Variants in RNF115 observed in about 807,000 individuals in gnomAD.
RNF115 encodes E3 ubiquitin-protein ligase RNF115.
In RNF115, 31 loss-of-function variants were observed where a neutral mutation model predicts 39.2. That is an observed-to-expected ratio of 0.79 (90% CI 0.59 to 1.07). The LOEUF (loss-of-function observed/expected upper bound fraction) is 1.07, where lower values mean the gene tolerates loss of function less well. RNF115 is among the 50% of genes least tolerant of loss of function. The probability of loss-of-function intolerance (pLI) is 0.00; values close to 1 mark genes in which losing one functional copy is unlikely to be tolerated. For missense variants in RNF115, 384 were observed against 381.7 expected (o/e 1.01, Z -0.05); for synonymous variants, 124 against 131.0 (o/e 0.95, Z 0.37).
At chr1:145,775,225 C>G (rs1197185157) in intron 3 of RNF115, among the ~76,000 whole-genome samples, 2 of 152,034 alleles carry the variant, frequency 1.3e-5, no homozygotes, top group Non-Finnish European at 2.9e-5. Flanking sequence ...TATACAGAAC[C>G]CTAATTATAT....
Position 145,823,931 on chromosome 1 carries a change from C to A in RNF115, c.-58G>T. 7.8e-7 allele frequency: 1 copy of A among 1,281,464 alleles called. No individual in the cohort carries two copies. 79.4% of individuals were successfully genotyped at this position (1,281,464 alleles called of 1,614,324 possible). A position where few individuals can be genotyped will look rare whatever the true frequency, so the allele number is the denominator to read the frequency against. ...AGCCGGCCCGTCCCTCGCCAGGCCG[C>A]TACCTCCCGAGCTGCAGTCGTCGCC... On this transcript the variant is annotated 5_prime_UTR_variant, in exon 1 of 9. Transcript: ENST00000582693.
intron 3 of RNF115, among the ~76,000 whole-genome samples, chr1:145,782,557 C>T (rs1262813654): frequency 6.6e-6 from 1 of 152,200 alleles, no homozygotes; most frequent in Non-Finnish European, 1.5e-5. Flanking sequence ...TACTTTAACA[C>T]CTGAAGGATA....
At position 145,746,706 on chromosome 1, in the gene RNF115, CTAACTT is replaced by C; in HGVS notation, c.*154_*159del. The C allele has an allele frequency of 1.4e-6, 1 of 690,690 alleles. No individual in the cohort carries two copies. Among genetic ancestry groups the C allele is most frequent in the Non-Finnish European group, 2.3e-6 (1 of 427,080 alleles). The allele number at this position is 690,690 out of a possible 1,614,324, so 42.8% of individuals were successfully genotyped here. A position where few individuals can be genotyped will look rare whatever the true frequency, so the allele number is the denominator to read the frequency against. On this transcript the variant is annotated 3_prime_UTR_variant, in exon 9 of 9. Coordinates refer to ENST00000582693, the MANE Select transcript of RNF115 (RefSeq NM_014455.4). The stretch of plus-strand genomic sequence containing the variant: ...GTAGATACAATTCCATCTGTAGATA[CTAACTT>C]TAAATTTAAAGAAGAAAAACATTCA...
At chr1:145,784,764 C>G (rs1553717922) in intron 2 of RNF115, among the ~76,000 whole-genome samples, 168 bp from the exon 3 acceptor site, 1 of 152,072 alleles carries the variant, frequency 6.6e-6, no homozygotes, top group Non-Finnish European at 1.5e-5. Context: ...GTGAATTAAT[C>G]TATGAAAAGT....
chr1:145,748,025 G>A lies in RNF115; in HGVS notation c.753C>T (p.His251=), dbSNP rs781979777. Residue 251 remains histidine (H), a synonymous_variant, in exon 8 of 9, where the codon CAC becomes CAT. Coordinates refer to ENST00000582693, the MANE Select transcript of RNF115 (RefSeq NM_014455.4). ...CTAGCCACGGCACAATACAACTGCT[G>A]TGAAAGAAGTGATTGCAAGGTAACT... The part of the protein sequence containing the change: ...VRQLPCNHFF[H]SSCIVPWLEL... 2.5e-6 allele frequency: 4 copies of A among 1,613,492 alleles called. No homozygotes were observed. The Admixed American group carries it at 5.0e-5, about 20-fold the overall frequency.
intron 2 of RNF115, among the ~76,000 whole-genome samples, chr1:145,788,292 C>T (rs1444127369): frequency 6.6e-6 from 1 of 152,076 alleles, no homozygotes; most frequent in Non-Finnish European, 1.5e-5. Flanking sequence ...ATGTTGACCA[C>T]GCTGGTCTTG....
Position 145,744,848 on chromosome 1 carries a change from T to C in RNF115, c.*2018A>G, listed in dbSNP as rs1476932245. On this transcript the variant is annotated 3_prime_UTR_variant, in exon 9 of 9. Transcript: ENST00000582693. ...GACCTTGAAGTTTCAACAACATTCT[T>C]GACCTTCTTAATTTATCCAATGTTA... 6.6e-6 allele frequency: 1 copy of C among 152,166 alleles called. No homozygotes were observed. Among genetic ancestry groups the C allele is most frequent in the African/African-American group, 2.4e-5 (1 of 41,424 alleles). The allele number at this position is 152,166 out of a possible 1,614,324, so 9.4% of individuals were successfully genotyped here. A position where few individuals can be genotyped will look rare whatever the true frequency, so the allele number is the denominator to read the frequency against.
At chr1:145,794,957 C>T (rs1243883056) in intron 1 of RNF115, among the ~76,000 whole-genome samples, 1 of 147,504 alleles carries the variant, frequency 6.8e-6, no homozygotes, top group Non-Finnish European at 1.5e-5. Context: ...GCGGAGCTTG[C>T]CGTGAGCCTA....
At chr1:145,747,878 T>A in intron 8 of RNF115, 117 bp downstream of exon 8, 1 of 739,478 alleles carries the variant, frequency 1.4e-6, no homozygotes. Context: ...AATAACAGTA[T>A]CAGAGTAAGC....
intron 1 of RNF115, among the ~76,000 whole-genome samples, chr1:145,793,583 G>C (rs1262506903): frequency 6.6e-6 from 1 of 151,446 alleles, no homozygotes; most frequent in Non-Finnish European, 1.5e-5. Flanking sequence ...CTGAATTCCA[G>C]ACTCAATTAC....
Position 145,750,594 on chromosome 1 carries a change from T to C in RNF115, c.574-94A>G, listed in dbSNP as rs147054035. The C allele has an allele frequency of 5.6e-5, 49 of 879,634 alleles. No individual in the cohort carries two copies. In the Admixed American group the frequency reaches 1.0e-3, roughly 19 times the overall value. The allele number at this position is 879,634 out of a possible 1,614,324, so 54.5% of individuals were successfully genotyped here. ...CAGCTGAGAACAAACAGTGCAGACA[T>C]TAGGTATGTTAGTTACTCTTACTTC... On this transcript the variant is annotated intron_variant, in intron 6 of 8. Coordinates refer to ENST00000582693, the MANE Select transcript of RNF115 (RefSeq NM_014455.4).
At chr1:145,779,877 G>T (rs931470837) in intron 3 of RNF115, among the ~76,000 whole-genome samples, 11 of 151,866 alleles carry the variant, frequency 7.2e-5, no homozygotes, top group African/African-American at 2.4e-4. Flanking sequence ...TGGACAGGCT[G>T]GTCTGGAACT....
At chr1:145,818,611 CA>C (rs1466525174) in intron 1 of RNF115, among the ~76,000 whole-genome samples, 1 of 134,518 alleles carries the variant, frequency 7.4e-6, no homozygotes, top group African/African-American at 2.6e-5. Context: ...AACAAAGATA[CA>C]GCATACCAGA....
chr1:145,793,875 G>T (rs1248092136), intron 1 of RNF115, among the ~76,000 whole-genome samples: 1 of 135,848 alleles, frequency 7.4e-6, no homozygotes, highest in African/African-American at 2.8e-5. Flanking sequence ...ACGAAGTCTC[G>T]CTCTGTCACT....
intron 1 of RNF115, among the ~76,000 whole-genome samples, chr1:145,815,313 G>C (rs1419747122): frequency 3.3e-5 from 5 of 152,298 alleles, no homozygotes; most frequent in Non-Finnish European, 7.3e-5. Flanking sequence ...TTCAGGTGGA[G>C]CCTGAAAGCG....
intron 5 of RNF115, 139 bp downstream of exon 5, chr1:145,752,839 G>A (rs587632351): frequency 2.1e-5 from 12 of 580,268 alleles, no homozygotes; most frequent in South Asian, 1.5e-4. Flanking sequence ...CGCCAGCCTC[G>A]GCCTCCCAAA....
Position 145,750,936 on chromosome 1 carries a change from A to G in RNF115, c.574-436T>C, listed in dbSNP as rs587650705. Among the ~76,000 whole-genome samples, 24 of 152,358 alleles carry G rather than the reference A, an allele frequency of 1.6e-4. No individual in the cohort carries two copies. In the Middle Eastern group the frequency reaches 0.014, roughly 86 times the overall value. ...ACTGCCTATAAGACGACTGAATATA[A>G]AGGACATGCTTTCTAGTCTCAGAAA... On this transcript the variant is annotated intron_variant, in intron 6 of 8. Transcript: ENST00000582693.
intron 1 of RNF115, among the ~76,000 whole-genome samples, chr1:145,792,883 G>A (rs1648743454): frequency 6.6e-6 from 1 of 152,094 alleles, no homozygotes; most frequent in South Asian, 2.1e-4. Flanking sequence ...ACACATAAAG[G>A]ATGAGACACA....
At chr1:145,819,215 C>T (rs1284854467) in intron 1 of RNF115, among the ~76,000 whole-genome samples, 2 of 142,734 alleles carry the variant, frequency 1.4e-5, no homozygotes, top group African/African-American at 5.1e-5. Flanking sequence ...GCAGGCGGAT[C>T]GCTTGAGCCT....
Sources: allele counts gnomAD v4.1 joint callset (sites outside exome capture counted in the v4.1 genomes callset), GRCh38; gene constraint gnomAD v4.1.1; transcripts MANE v1.5; gene names NCBI Gene and HGNC (gene_info 2026-07-23, HGNC 2026-07-21).